ZBTB32: variants seen among roughly 807,000 people sequenced by gnomAD.
The protein encoded by ZBTB32 is zinc finger and BTB domain-containing protein 32.
ZBTB32 carries 28 observed loss-of-function variants against 45.3 expected under a neutral mutation model. The ratio of observed to expected loss-of-function variants is 0.62; its 90% CI spans 0.46 to 0.85. ZBTB32 has a LOEUF of 0.85. Ranked by LOEUF, ZBTB32 falls within the 40% of genes least tolerant of loss-of-function variation. ZBTB32 has a pLI of 0.00. For synonymous variants in ZBTB32, 283 were observed against 255.7 expected, an observed-to-expected ratio of 1.11 and a Z score of -1.02; for missense variants, 587 against 624.4, an observed-to-expected ratio of 0.94 and a Z score of 0.64.
rs572101432 is a variant in ZBTB32 at position 35,710,223 on chromosome 19, A to T, written c.-221-2694A>T. ...GAAACTCTGTCTCAAAAAAAAAAAG[A>T]AAGTAATATAAGTATTAAAAAGGAC... On this transcript the variant is annotated intron_variant, in intron 1 of 6. Coordinates refer to ENST00000392197, the MANE Select transcript of ZBTB32 (RefSeq NM_014383.3). Among the ~76,000 whole-genome samples the T allele has an allele frequency of 9.7e-4, 147 of 152,162 alleles. 2 individuals carry two copies. In the Middle Eastern group the frequency reaches 0.01, roughly 11 times the overall value.
At chr19:35,710,352 G>A (rs1968654871) in intron 1 of ZBTB32, among the ~76,000 whole-genome samples, 1 of 152,144 alleles carries the variant, frequency 6.6e-6, no homozygotes, top group South Asian at 2.1e-4. Flanking sequence ...ACAGGCTTGT[G>A]TCTGCATAAC....
intron 1 of ZBTB32, among the ~76,000 whole-genome samples, chr19:35,712,060 C>T (rs1324268541): frequency 2.0e-5 from 3 of 149,604 alleles, no homozygotes; most frequent in African/African-American, 7.4e-5. Flanking sequence ...AAAGAGAAGC[C>T]TATGGGGAAG....
chr19:35,705,309 C>T, intron 1 of ZBTB32, among the ~76,000 whole-genome samples: 1 of 151,294 alleles, frequency 6.6e-6, no homozygotes. Context: ...CAGAATGAGA[C>T]CCTGTCTCAA....
intron 1 of ZBTB32, among the ~76,000 whole-genome samples, chr19:35,712,039 A>AG: frequency 1.3e-5 from 2 of 150,768 alleles, no homozygotes; most frequent in East Asian, 3.9e-4. Flanking sequence ...AAAAAAAAAA[A>AG]AAAAAAAAAA....
chr19:35,715,133 GCCA>G lies in ZBTB32; in HGVS notation c.511_513del (p.Pro171del). 1 of 1,613,980 alleles carries G rather than the reference GCCA, an allele frequency of 6.2e-7. No homozygotes were observed. The highest frequency in any genetic ancestry group is 8.5e-7 in the Non-Finnish European group (1 of 1,179,992). On this transcript the variant is annotated inframe_deletion, in exon 3 of 7. Coordinates refer to ENST00000392197, the MANE Select transcript of ZBTB32 (RefSeq NM_014383.3). ...AACAGGAGATGTTGCACAAGCACTCGCCACCAAGAGGCAGACCCGAGATGGCAG... is the reference window on the plus strand; with the variant it reads ...AACAGGAGATGTTGCACAAGCACTCGCCAAGAGGCAGACCCGAGATGGCAG...
intron 3 of ZBTB32, 109 bp from the exon 4 acceptor site, chr19:35,715,648 G>A: frequency 4.8e-6 from 7 of 1,472,794 alleles, no homozygotes; most frequent in Non-Finnish European, 6.4e-6. Context: ...CTGCCACAGG[G>A]CACGCCAAAG....
Position 35,714,914 on chromosome 19 carries a change from G to A in ZBTB32, c.288G>A (p.Ala96=), listed in dbSNP as rs755616824. The change falls in exon 3 of 7, where the codon GCG becomes GCA. Residue 96 remains alanine (A), a synonymous_variant. Coordinates refer to ENST00000392197, the MANE Select transcript of ZBTB32 (RefSeq NM_014383.3). The part of the protein sequence containing the change: ...QPGELRPLQE[A]ARALGVQSLE... ...GAGAGCTAAGGCCCCTTCAGGAGGCGGCCAGGGCCTTGGGAGTGCAGTCCC... is the reference window on the plus strand; with the variant it reads ...GAGAGCTAAGGCCCCTTCAGGAGGCAGCCAGGGCCTTGGGAGTGCAGTCCC... 48 of 1,582,982 alleles carry A rather than the reference G, an allele frequency of 3.0e-5. No homozygotes were observed. The highest frequency in any genetic ancestry group is 1.7e-4 in the Middle Eastern group (1 of 5,884).
At chr19:35,710,588 C>T (rs1020143180) in intron 1 of ZBTB32, among the ~76,000 whole-genome samples, 1 of 152,054 alleles carries the variant, frequency 6.6e-6, no homozygotes, top group South Asian at 2.1e-4. Context: ...CCCATCTCTA[C>T]TAAAAATACA....
At chr19:35,710,853 A>G (rs1017979266) in intron 1 of ZBTB32, among the ~76,000 whole-genome samples, 1 of 152,192 alleles carries the variant, frequency 6.6e-6, no homozygotes, top group Non-Finnish European at 1.5e-5. Context: ...CTTGGGTTGC[A>G]CTGTCAAGAA....
At chr19:35,707,490 C>T (rs1044360657) in intron 1 of ZBTB32, among the ~76,000 whole-genome samples, 28 of 151,618 alleles carry the variant, frequency 1.8e-4, no homozygotes, top group Non-Finnish European at 4.4e-5. Context: ...CTGCCTCAGC[C>T]TCCCAAGTAG....
Position 35,716,832 on chromosome 19 carries a change from C to A in ZBTB32, c.*80C>A. The A allele has an allele frequency of 1.3e-6, 2 of 1,502,660 alleles. No individual in the cohort carries two copies. The highest frequency in any genetic ancestry group is 9.0e-7 in the Non-Finnish European group (1 of 1,117,070). 93.1% of individuals were successfully genotyped at this position (1,502,660 alleles called of 1,614,324 possible). ...CGGCTCGGCTTCTGACCTGGCACCG[C>A]TGCTACGGCGGCCTAGCAAATTCCG... On this transcript the variant is annotated 3_prime_UTR_variant, in exon 7 of 7. Transcript: ENST00000392197.
chr19:35,716,753 C>A lies in ZBTB32; in HGVS notation c.*1C>A. On this transcript the variant is annotated 3_prime_UTR_variant, in exon 7 of 7. Transcript: ENST00000392197. Reference sequence around the variant, plus strand: ...TTGTCCTTCTTCCTCCACCACCTGACGGGGTGTCGGTAGCGTCTTAGCCAA... The same window carrying A: ...TTGTCCTTCTTCCTCCACCACCTGAAGGGGTGTCGGTAGCGTCTTAGCCAA... 6.3e-7 allele frequency: 1 copy of A among 1,598,514 alleles called. No individual in the cohort carries two copies. The highest frequency in any genetic ancestry group is 1.1e-5 in the South Asian group (1 of 90,772).
At chr19:35,715,686 A>AC in intron 3 of ZBTB32, 71 bp from the exon 4 acceptor site, 1 of 1,516,670 alleles carries the variant, frequency 6.6e-7, no homozygotes, top group Non-Finnish European at 8.9e-7. Context: ...GACTTGGGAT[A>AC]CCCCCTCTTC....
In ZBTB32 at chr19:35,716,955, G is replaced by T. The variant is rs1968936514; in HGVS notation, c.*203G>T. On this transcript the variant is annotated 3_prime_UTR_variant, in exon 7 of 7. Coordinates refer to ENST00000392197, the MANE Select transcript of ZBTB32 (RefSeq NM_014383.3). The stretch of plus-strand genomic sequence containing the variant: ...GCGAGCCCTACAGAGTGAGGACACT[G>T]AAGTGTGCAGGAGCGAAGGTTAACA... The T allele has an allele frequency of 1.6e-6, 1 of 612,706 alleles. No individual in the cohort carries two copies. 38.0% of individuals were successfully genotyped at this position (612,706 alleles called of 1,614,324 possible).
At chr19:35,716,428 T>G (rs1310258546) in intron 6 of ZBTB32, 50 bp from the exon 7 acceptor site, 2 of 1,585,810 alleles carry the variant, frequency 1.3e-6, no homozygotes, top group South Asian at 2.3e-5. Flanking sequence ...TTGGCCAGCT[T>G]TCGCCGCCTT....
At chr19:35,705,606 G>C (rs1968518751) in intron 1 of ZBTB32, among the ~76,000 whole-genome samples, 1 of 152,052 alleles carries the variant, frequency 6.6e-6, no homozygotes, top group South Asian at 2.1e-4. Context: ...CCTTGTGGTG[G>C]CTCTGTACAG....
chr19:35,714,959 G>A lies in ZBTB32; in HGVS notation c.333G>A (p.Arg111=). 1.3e-6 allele frequency: 2 copies of A among 1,589,864 alleles called. No homozygotes were observed. The highest frequency in any genetic ancestry group is 2.3e-5 in the South Asian group (2 of 88,072). Residue 111 remains arginine (R), a synonymous_variant, in exon 3 of 7, where the codon AGG becomes AGA. Transcript: ENST00000392197. The stretch of plus-strand genomic sequence containing the variant: ...AGTCCCTGGAAGAGGCATGCTGGAG[G>A]GCTCGAGGGGACAGGGCTAAAAAGC... ...GVQSLEEACW[R]ARGDRAKKPD...
chr19:35,714,758 C>A lies in ZBTB32; in HGVS notation c.132C>A (p.Ser44Arg), dbSNP rs1968806945. 5.0e-6 allele frequency: 8 copies of A among 1,614,076 alleles called. No homozygotes were observed. The highest frequency in any genetic ancestry group is 5.9e-6 in the Non-Finnish European group (7 of 1,180,044). The change falls in exon 3 of 7, where the codon AGC (serine) becomes AGA (arginine). Residue 44 changes from serine (S) to arginine (R), a missense_variant. Transcript: ENST00000392197. ...GGAGCCAGGAGTTCCCCGCCCACAG[C>A]CTGGTGCTAGCAGGTGTCAGCCAGC... ...TVGSQEFPAHSLVLAGVSQQL... is the reference protein window; with the variant it reads ...TVGSQEFPAHRLVLAGVSQQL...
chr19:35,708,514 G>A (rs1968604917), intron 1 of ZBTB32, among the ~76,000 whole-genome samples: 1 of 152,230 alleles, frequency 6.6e-6, no homozygotes, highest in South Asian at 2.1e-4. Flanking sequence ...TGAGGAAATT[G>A]AGGGTCTTGG....
Sources: allele counts gnomAD v4.1 joint callset (sites outside exome capture counted in the v4.1 genomes callset), GRCh38; gene constraint gnomAD v4.1.1; transcripts MANE v1.5; gene names NCBI Gene and HGNC (gene_info 2026-07-23, HGNC 2026-07-21).